PXDNL: variants seen among roughly 807,000 people sequenced by gnomAD.
PXDNL encodes probable oxidoreductase PXDNL.
Under a neutral mutation model 150.8 loss-of-function variants are expected in PXDNL, and 145 were observed. The ratio of observed to expected loss-of-function variants is 0.96; its 90% confidence interval spans 0.84 to 1.10. The LOEUF (loss-of-function observed/expected upper bound fraction) is 1.10, where lower values mean the gene tolerates loss of function less well. Among genes scored for constraint, PXDNL ranks in the 50% least tolerant of loss-of-function variants. The probability of loss-of-function intolerance (pLI) is 0.00; values close to 1 mark genes in which losing one functional copy is unlikely to be tolerated. For synonymous variants in PXDNL, 757 were observed against 725.7 expected (o/e 1.04, Z -0.69); for missense variants, 2,087 against 1,873.9 (o/e 1.11, Z -2.10).
At chr8:51,711,163 T>TA (rs1816489224) in intron 1 of PXDNL, among the ~76,000 whole-genome samples, 1 of 152,212 alleles carries the variant, frequency 6.6e-6, no homozygotes, top group Non-Finnish European at 1.5e-5. Flanking sequence ...ATTTTTGAGA[T>TA]AGAGTCTTGC....
At chr8:51,389,223 G>A (rs939438323) in intron 17 of PXDNL, among the ~76,000 whole-genome samples, 2 of 152,126 alleles carry the variant, frequency 1.3e-5, no homozygotes, top group Non-Finnish European at 2.9e-5. Context: ...ATGTGCTTGT[G>A]CGAGGATTTC....
At chr8:51,461,522 C>T (rs1810083357) in intron 8 of PXDNL, among the ~76,000 whole-genome samples, 2 of 152,214 alleles carry the variant, frequency 1.3e-5, no homozygotes, top group South Asian at 4.1e-4. Context: ...GCAAAAAACC[C>T]AAGCCGTGGG....
At chr8:51,759,447 T>C (rs895730132) in intron 1 of PXDNL, among the ~76,000 whole-genome samples, 6 of 152,162 alleles carry the variant, frequency 3.9e-5, no homozygotes, top group African/African-American at 1.4e-4. Context: ...TTAATCATTT[T>C]CTCTTGATTA....
At chr8:51,408,007 C>G in intron 17 of PXDNL, 60 bp downstream of exon 17, 2 of 1,444,860 alleles carry the variant, frequency 1.4e-6, no homozygotes, top group South Asian at 2.8e-5. Flanking sequence ...ACAAAATGAC[C>G]TTTAACACTT....
chr8:51,746,350 CAA>C (rs2036984386), intron 1 of PXDNL, among the ~76,000 whole-genome samples: 2 of 152,206 alleles, frequency 1.3e-5, no homozygotes, highest in Non-Finnish European at 2.9e-5. Context: ...GAGTGGCCAC[CAA>C]CCACGGAACT....
At chr8:51,440,945 G>A (rs1809531326) in intron 12 of PXDNL, among the ~76,000 whole-genome samples, 1 of 152,130 alleles carries the variant, frequency 6.6e-6, no homozygotes, top group South Asian at 2.1e-4. Flanking sequence ...TGGGAGAGAG[G>A]GACCCATGTT....
intron 1 of PXDNL, among the ~76,000 whole-genome samples, chr8:51,733,955 G>A (rs955862075): frequency 6.6e-6 from 1 of 151,188 alleles, no homozygotes; most frequent in African/African-American, 2.4e-5. Flanking sequence ...ATCTGCAAAA[G>A]AATATTCCAT....
chr8:51,512,985 A>T lies in PXDNL; in HGVS notation c.381-13215T>A, dbSNP rs958338342. The stretch of plus-strand genomic sequence containing the variant: ...TTCTGTTCCAATTATAAGGCAAGGA[A>T]GGCATCCTGGAAGGGTCTGTGCCTG... On this transcript the variant is annotated intron_variant, in intron 4 of 22. Coordinates refer to ENST00000356297, the MANE Select transcript of PXDNL (RefSeq NM_144651.5). Among the ~76,000 whole-genome samples the T allele has an allele frequency of 3.3e-5, 5 of 152,232 alleles. No individual in the cohort carries two copies. The East Asian group carries it at 9.6e-4, about 29-fold the overall frequency.
At chr8:51,340,021 G>A in intron 20 of PXDNL, 2 of 269,568 alleles carry the variant, frequency 7.4e-6, no homozygotes, top group Non-Finnish European at 1.4e-5. Flanking sequence ...GAAATTTCAT[G>A]TTGTATTACA....
intron 2 of PXDNL, among the ~76,000 whole-genome samples, chr8:51,599,719 TTATA>T (rs1010749986): frequency 1.4e-5 from 2 of 146,568 alleles, no homozygotes; most frequent in Non-Finnish European, 3.0e-5. Context: ...ATGATGTCAT[TTATA>T]TAATAAATTA....
At chr8:51,672,869 A>G (rs1815529062) in intron 1 of PXDNL, among the ~76,000 whole-genome samples, 1 of 152,142 alleles carries the variant, frequency 6.6e-6, no homozygotes, top group African/African-American at 2.4e-5. Flanking sequence ...ATCAGACTAT[A>G]GAAGAAAATT....
At chr8:51,322,833 G>T (rs569590662) in intron 21 of PXDNL, among the ~76,000 whole-genome samples, 13 of 152,300 alleles carry the variant, frequency 8.5e-5, no homozygotes, top group African/African-American at 2.9e-4. Context: ...AGATAATTTA[G>T]CATGAGTGCC....
chr8:51,400,858 T>C (rs144187257), intron 17 of PXDNL, among the ~76,000 whole-genome samples: 1 of 152,276 alleles, frequency 6.6e-6, no homozygotes, highest in Non-Finnish European at 1.5e-5. Flanking sequence ...AAAAAATAAA[T>C]TGGTAGGAAT....
At chr8:51,723,406 C>T (rs1370169730) in intron 1 of PXDNL, among the ~76,000 whole-genome samples, 1 of 152,206 alleles carries the variant, frequency 6.6e-6, no homozygotes, top group African/African-American at 2.4e-5. Flanking sequence ...CAGATGCTGG[C>T]TTCCCAGAAC....
intron 1 of PXDNL, among the ~76,000 whole-genome samples, chr8:51,708,053 T>C (rs997807262): frequency 2.0e-5 from 3 of 152,232 alleles, no homozygotes; most frequent in African/African-American, 7.2e-5. Context: ...CTTCTTGATA[T>C]TTACTCATGC....
chr8:51,487,552 T>G (rs901834556), intron 5 of PXDNL, among the ~76,000 whole-genome samples: 4 of 152,126 alleles, frequency 2.6e-5, no homozygotes, highest in Admixed American at 6.5e-5. Flanking sequence ...TGACATACTT[T>G]AACGAAAGCA....
intron 19 of PXDNL, 38 bp from the exon 20 acceptor site, chr8:51,345,985 G>C (rs753433885): frequency 8.9e-6 from 11 of 1,241,582 alleles, no homozygotes; most frequent in Non-Finnish European, 1.3e-5. Flanking sequence ...CATCATGTGA[G>C]ATGCGATGTC....
intron 2 of PXDNL, among the ~76,000 whole-genome samples, chr8:51,618,620 C>G (rs920694974): frequency 6.6e-6 from 1 of 152,132 alleles, no homozygotes; most frequent in East Asian, 1.9e-4. Context: ...CAGGGAGGAG[C>G]AGGTTTGCAG....
chr8:51,320,565 G>C lies in PXDNL; in HGVS notation c.4260+219C>G, dbSNP rs78387075. On this transcript the variant is annotated intron_variant, in intron 22 of 22. Transcript: ENST00000356297. ...TCGTCCATCAGTGAACATGGAAAAA[G>C]CTCGTGGTCTCTAGCGACTGCTCAT... is the stretch of plus-strand genomic sequence containing the variant. Among the ~76,000 whole-genome samples the C allele has an allele frequency of 7.0e-3, 1,071 of 152,294 alleles. 11 individuals are homozygous for C. Among genetic ancestry groups the C allele is most frequent in the African/African-American group, 0.024 (1,013 of 41,552 alleles).
Sources: allele counts gnomAD v4.1 joint callset (sites outside exome capture counted in the v4.1 genomes callset), GRCh38; gene constraint gnomAD v4.1.1; transcripts MANE v1.5; gene names NCBI Gene and HGNC (gene_info 2026-07-23, HGNC 2026-07-21).